The following LGR4 variants were observed in gnomAD, a reference collection of about 807,000 sequenced individuals.
LGR4 encodes the protein leucine rich repeat containing G protein-coupled receptor 4.
Under a neutral mutation model 84.8 loss-of-function variants are expected in LGR4, and 44 were observed. The ratio of observed to expected loss-of-function variants is 0.52; its 90% CI spans 0.41 to 0.67. LGR4 has a LOEUF of 0.67. LGR4 is among the 30% of genes least tolerant of loss of function. The pLI, the probability that LGR4 is intolerant of heterozygous loss-of-function variation, is 0.00. For synonymous variants in LGR4, 429 were observed against 434.3 expected (o/e 0.99, Z 0.15); for missense variants, 1,032 against 1,131.4 (o/e 0.91, Z 1.26).
chr11:27,448,736 GA>G (rs982465309), intron 1 of LGR4, among the ~76,000 whole-genome samples: 6 of 152,242 alleles, frequency 3.9e-5, no homozygotes, highest in African/African-American at 1.4e-4. Context: ...ATTTGCATTT[GA>G]AAATATCAGG....
chr11:27,429,457 T>G (rs867871847), intron 1 of LGR4, among the ~76,000 whole-genome samples: 1 of 150,262 alleles, frequency 6.7e-6, no homozygotes, highest in Non-Finnish European at 1.5e-5. Flanking sequence ...CACCCTAGCT[T>G]GGGTGACAGA....
chr11:27,388,515 A>G (rs1430169938), intron 4 of LGR4, among the ~76,000 whole-genome samples: 2 of 152,144 alleles, frequency 1.3e-5, no homozygotes, highest in Non-Finnish European at 2.9e-5. Flanking sequence ...TTCTTGTTAA[A>G]CGGTGAATAA....
At chr11:27,454,932 A>G (rs1864546104) in intron 1 of LGR4, among the ~76,000 whole-genome samples, 1 of 152,198 alleles carries the variant, frequency 6.6e-6, no homozygotes, top group Non-Finnish European at 1.5e-5. Context: ...CAGCAACACA[A>G]GTCAAAAGTC....
chr11:27,444,449 A>G (rs1864354061), intron 1 of LGR4, among the ~76,000 whole-genome samples: 2 of 152,250 alleles, frequency 1.3e-5, no homozygotes, highest in African/African-American at 4.8e-5. Context: ...AACATGAAAT[A>G]TTCTTAGAGC....
chr11:27,437,301 T>A (rs1590393322), intron 1 of LGR4, among the ~76,000 whole-genome samples: 1 of 152,348 alleles, frequency 6.6e-6, no homozygotes, highest in Non-Finnish European at 1.5e-5. Context: ...TGGCCAATTT[T>A]TTTTTTTATA....
At chr11:27,460,200 C>T (rs1864656702) in intron 1 of LGR4, among the ~76,000 whole-genome samples, 1 of 152,146 alleles carries the variant, frequency 6.6e-6, no homozygotes, top group Non-Finnish European at 1.5e-5. Context: ...CTTCAGATGC[C>T]ACAGACCAAA....
chr11:27,443,639 G>GT (rs1208119270), intron 1 of LGR4, among the ~76,000 whole-genome samples: 8 of 152,134 alleles, frequency 5.3e-5, no homozygotes, highest in African/African-American at 1.7e-4. Flanking sequence ...CATATACATT[G>GT]TTTTTTAAAG....
chr11:27,398,215 G>A (rs889627752), intron 2 of LGR4, among the ~76,000 whole-genome samples: 1 of 152,200 alleles, frequency 6.6e-6, no homozygotes, highest in Non-Finnish European at 1.5e-5. Flanking sequence ...GAACTGCGCT[G>A]TCTTAAATAT....
chr11:27,371,478 C>A, intron 17 of LGR4, 137 bp downstream of exon 17: 1 of 550,560 alleles, frequency 1.8e-6, no homozygotes, highest in South Asian at 3.8e-5. Context: ...GTACGCAAAG[C>A]ACAAAATCAG....
chr11:27,459,977 G>A (rs1331580752), intron 1 of LGR4, among the ~76,000 whole-genome samples: 6 of 152,100 alleles, frequency 3.9e-5, no homozygotes, highest in African/African-American at 1.4e-4. Context: ...TGTGGTCCCA[G>A]CTACTCGGGA....
chr11:27,467,880 T>C (rs1202011317), intron 1 of LGR4, among the ~76,000 whole-genome samples: 1 of 152,208 alleles, frequency 6.6e-6, no homozygotes, highest in Non-Finnish European at 1.5e-5. Flanking sequence ...TTCACTTGTA[T>C]ATAAAACTAA....
intron 1 of LGR4, among the ~76,000 whole-genome samples, chr11:27,433,525 C>T (rs547181611): frequency 1.6e-3 from 237 of 152,110 alleles, no homozygotes; most frequent in African/African-American, 5.5e-3. Flanking sequence ...GCCACCATGC[C>T]CGGCCCACTC....
intron 2 of LGR4, 144 bp from the exon 3 acceptor site, chr11:27,392,662 C>T (rs1382260615): frequency 3.0e-6 from 2 of 672,542 alleles, no homozygotes; most frequent in East Asian, 2.8e-5. Flanking sequence ...GACTTAAACC[C>T]TTGCTAAAAT....
chr11:27,455,339 C>T (rs890951847), intron 1 of LGR4, among the ~76,000 whole-genome samples: 2 of 152,040 alleles, frequency 1.3e-5, no homozygotes, highest in Non-Finnish European at 2.9e-5. Flanking sequence ...AGATCAACTG[C>T]CAGCTCTTAA....
At chr11:27,437,838 C>CA (rs35851509) in intron 1 of LGR4, among the ~76,000 whole-genome samples, 1 of 152,030 alleles carries the variant, frequency 6.6e-6, no homozygotes, top group East Asian at 1.9e-4. Context: ...TCTGTCTCTA[C>CA]AAAAAAGATT....
intron 1 of LGR4, among the ~76,000 whole-genome samples, chr11:27,428,619 T>C (rs79739465): frequency 0.028 from 4,291 of 151,842 alleles, 185 homozygotes; most frequent in African/African-American, 0.099. Context: ...CCTGAACCAA[T>C]ACAGCAGCAC....
intron 1 of LGR4, among the ~76,000 whole-genome samples, chr11:27,438,016 C>T (rs189959096): frequency 2.5e-3 from 386 of 151,874 alleles, no homozygotes; most frequent in Non-Finnish European, 3.9e-3. Flanking sequence ...ACTCTCCACC[C>T]GCCCCAGGAA....
intron 4 of LGR4, 99 bp downstream of exon 4, chr11:27,390,995 G>T: frequency 1.4e-6 from 1 of 711,534 alleles, no homozygotes; most frequent in Non-Finnish European, 2.3e-6. Context: ...TATCTCAGAT[G>T]AAAGGATAAA....
chr11:27,445,138 C>T (rs1001658109), intron 1 of LGR4, among the ~76,000 whole-genome samples: 8 of 152,136 alleles, frequency 5.3e-5, no homozygotes, highest in African/African-American at 1.7e-4. Context: ...AGAGTAAATT[C>T]CCCTCCTCTT....
Sources: allele counts gnomAD v4.1 joint callset (sites outside exome capture counted in the v4.1 genomes callset), GRCh38; gene constraint gnomAD v4.1.1; transcripts MANE v1.5; gene names NCBI Gene and HGNC (gene_info 2026-07-23, HGNC 2026-07-21).